TMEM51: variants seen among roughly 807,000 people sequenced by gnomAD.
TMEM51 encodes transmembrane protein 51, also known as chromosome 1 open reading frame 72.
Under a neutral mutation model 13.6 loss-of-function variants are expected in TMEM51, and 8 were observed. The ratio of observed to expected loss-of-function variants is 0.59; its 90% confidence interval spans 0.35 to 1.07. The LOEUF (loss-of-function observed/expected upper bound fraction) is 1.07, where lower values mean the gene tolerates loss of function less well. Among genes scored for constraint, TMEM51 ranks in the 50% least tolerant of loss-of-function variants. The pLI, the probability that TMEM51 is intolerant of heterozygous loss-of-function variation, is 0.02. For synonymous variants in TMEM51, 147 were observed against 144.4 expected (o/e 1.02, Z -0.13); for missense variants, 279 against 330.7 (o/e 0.84, Z 1.21).
chr1:15,202,021 C>T (rs1644165272), intron 1 of TMEM51, among the ~76,000 whole-genome samples: 1 of 152,158 alleles, frequency 6.6e-6, no homozygotes, highest in Admixed American at 6.5e-5. Context: ...GTCGTCAGCA[C>T]TTTGGAACTG....
At chr1:15,174,941 G>A (rs1198835431) in intron 1 of TMEM51, among the ~76,000 whole-genome samples, 1 of 152,088 alleles carries the variant, frequency 6.6e-6, no homozygotes, top group Non-Finnish European at 1.5e-5. Context: ...TAATATGTTG[G>A]GAGTTAGAGC....
intron 1 of TMEM51, among the ~76,000 whole-genome samples, chr1:15,184,248 A>G (rs1321053987): frequency 2.6e-5 from 4 of 152,122 alleles, no homozygotes; most frequent in Non-Finnish European, 5.9e-5. Context: ...GATGATCTTG[A>G]TCTCTTGACC....
At chr1:15,206,745 C>A (rs1200008364) in intron 1 of TMEM51, among the ~76,000 whole-genome samples, 1 of 152,210 alleles carries the variant, frequency 6.6e-6, no homozygotes, top group Admixed American at 6.5e-5. Context: ...ATTCTTCTTA[C>A]CCTGCCTTGT....
chr1:15,164,027 AC>A (rs1642896418), intron 1 of TMEM51, among the ~76,000 whole-genome samples: 2 of 151,860 alleles, frequency 1.3e-5, no homozygotes, highest in African/African-American at 4.9e-5. Flanking sequence ...ACAGGGTTTC[AC>A]CATGTTGGCC....
chr1:15,168,030 G>A (rs1020590492), intron 1 of TMEM51, among the ~76,000 whole-genome samples: 6 of 152,124 alleles, frequency 3.9e-5, no homozygotes, highest in Admixed American at 1.3e-4. Context: ...TCCCTTATAC[G>A]AGCGTAGCCA....
At chr1:15,166,821 A>G (rs1025367502) in intron 1 of TMEM51, among the ~76,000 whole-genome samples, 4 of 152,166 alleles carry the variant, frequency 2.6e-5, no homozygotes, top group African/African-American at 9.7e-5. Flanking sequence ...CTCACAAGCA[A>G]TCATGTAACC....
chr1:15,206,873 GCA>G (rs1156974759), intron 1 of TMEM51, among the ~76,000 whole-genome samples: 1 of 152,044 alleles, frequency 6.6e-6, no homozygotes, highest in Non-Finnish European at 1.5e-5. Context: ...TTTCCCTAGT[GCA>G]CAGTCTAAAA....
At chr1:15,193,575 C>CTTTTTTTTTTTTTTTTTTTTTT (rs3078881) in intron 1 of TMEM51, among the ~76,000 whole-genome samples, 5 of 114,656 alleles carry the variant, frequency 4.4e-5, no homozygotes, top group African/African-American at 1.8e-4. Flanking sequence ...TTCTTTCTTT[C>CTTTTTTTTTTTTTTTTTTTTTT]TTTTTTTTTT....
At chr1:15,154,882 G>A (rs950785803) in intron 1 of TMEM51, among the ~76,000 whole-genome samples, 1 of 152,108 alleles carries the variant, frequency 6.6e-6, no homozygotes, top group South Asian at 2.1e-4. Context: ...GGGCGCTGCC[G>A]GAGTGGGGTG....
rs1405735471 is a variant in TMEM51, at chr1:15,176,080, C to T, written c.-267+22126C>T. 2.0e-5 allele frequency among the ~76,000 whole-genome samples: 3 copies of T among 152,210 alleles called. No homozygotes were observed. In the East Asian group the frequency reaches 5.8e-4, roughly 29 times the overall value. On this transcript the variant is annotated intron_variant, in intron 1 of 3. Coordinates refer to ENST00000376008, the MANE Select transcript of TMEM51 (RefSeq NM_001136218.2). ...ATAGGTTATCCCTTTACTTGTTTGT[C>T]TCTTTCAGGAAAAGAGAAGCTTTGT...
chr1:15,159,810 C>T (rs184708888), intron 1 of TMEM51, among the ~76,000 whole-genome samples: 71 of 152,146 alleles, frequency 4.7e-4, no homozygotes, highest in African/African-American at 1.7e-3. Flanking sequence ...CTGCCTCGGC[C>T]TAGGCATGAA....
chr1:15,200,511 CAGAG>C (rs1024889972), intron 1 of TMEM51, among the ~76,000 whole-genome samples: 10 of 151,344 alleles, frequency 6.6e-5, no homozygotes, highest in Admixed American at 2.0e-4. Flanking sequence ...CTACAGGCCA[CAGAG>C]AGAGGCCTCA....
At position 15,161,789 on chromosome 1, in the gene TMEM51, C is replaced by T. The variant is rs557484316; in HGVS notation, c.-267+7835C>T. Among the ~76,000 whole-genome samples, 37 of 151,686 alleles carry T rather than the reference C, an allele frequency of 2.4e-4. 1 individual carries two copies. The highest frequency in any genetic ancestry group is 8.5e-4 in the African/African-American group (35 of 41,232). ...ACTAAAAATACAAAAATTAGCCAGG[C>T]ATGGTGGCGGGCACCTGTAGTCCCA... On this transcript the variant is annotated intron_variant, in intron 1 of 3. Coordinates refer to ENST00000376008, the MANE Select transcript of TMEM51 (RefSeq NM_001136218.2). This position sits in a 1 kb window ranked among gnomAD's most constrained non-coding sequence, Gnocchi z 4.0.
chr1:15,155,598 G>A (rs925614894), intron 1 of TMEM51, among the ~76,000 whole-genome samples: 28 of 152,318 alleles, frequency 1.8e-4, no homozygotes, highest in Admixed American at 1.3e-3. Context: ...CAGGGAACAG[G>A]GGAGGAAGGG....
chr1:15,175,690 G>A (rs1261299192), intron 1 of TMEM51, among the ~76,000 whole-genome samples: 1 of 152,200 alleles, frequency 6.6e-6, no homozygotes, highest in Non-Finnish European at 1.5e-5. Flanking sequence ...CTTACATGGT[G>A]GCAGGCAAGA....
rs1185801385 is a variant in TMEM51 at position 15,215,369 on chromosome 1, C to T, written c.282C>T (p.Gly94=). ...GGGATAAGAGGAAGCAGCGGCAGGG[C>T]GAGGACCTGGCCCATGTCCAGCACC... The part of the protein sequence containing the change: ...SIRDKRKQRQ[G]EDLAHVQHPT... The change falls in exon 3 of 4, where the codon GGC becomes GGT. Residue 94 remains glycine (G), a synonymous_variant. Coordinates refer to ENST00000376008, the MANE Select transcript of TMEM51 (RefSeq NM_001136218.2). 6.2e-7 allele frequency: 1 copy of T among 1,611,096 alleles called. No homozygotes were observed. Among genetic ancestry groups the T allele is most frequent in the Admixed American group, 1.7e-5 (1 of 60,000 alleles).
rs1644501529 is a variant in TMEM51, at chr1:15,220,382, A to AG, written c.*639_*640insG. On this transcript the variant is annotated 3_prime_UTR_variant, in exon 4 of 4. Coordinates refer to ENST00000376008, the MANE Select transcript of TMEM51 (RefSeq NM_001136218.2). ...AGTCTCTTCTGTGTAACAGCAAAAA[A>AG]AAAAAAAAAAAGAAGAAGAAAGAAA... The AG allele has an allele frequency of 6.6e-6, 1 of 151,676 alleles. No homozygotes were observed. The highest frequency in any genetic ancestry group is 2.4e-5 in the African/African-American group (1 of 41,334). 9.4% of individuals were successfully genotyped at this position (151,676 alleles called of 1,614,324 possible). A position where few individuals can be genotyped will look rare whatever the true frequency, so the allele number is the denominator to read the frequency against.
At chr1:15,202,681 G>C (rs1005063760) in intron 1 of TMEM51, among the ~76,000 whole-genome samples, 1 of 151,828 alleles carries the variant, frequency 6.6e-6, no homozygotes, top group African/African-American at 2.4e-5. Context: ...CATCAAATTG[G>C]GCCCACCTGG....
At chr1:15,181,898 G>A (rs1241503856) in intron 1 of TMEM51, among the ~76,000 whole-genome samples, 3 of 152,016 alleles carry the variant, frequency 2.0e-5, no homozygotes, top group Non-Finnish European at 2.9e-5. Context: ...GGTGTCTCAC[G>A]CCTGTTAATC....
Sources: gnomAD v4.1 joint callset for allele counts (sites outside exome capture counted in the v4.1 genomes callset) on GRCh38, gnomAD v4.1.1 for gene constraint, Gnocchi (gnomAD v3.1) non-coding constraint, MANE v1.5 for transcripts, NCBI Gene and HGNC (gene_info 2026-07-23, HGNC 2026-07-21) for gene names.